The following PRG4 variants were observed in gnomAD, a reference collection of about 807,000 sequenced individuals.
PRG4 encodes the protein articular superficial zone protein.
PRG4 carries 61 observed loss-of-function variants against 91.2 expected under a neutral mutation model. The ratio of observed to expected loss-of-function variants is 0.67; its 90% CI spans 0.54 to 0.83. PRG4 has a LOEUF of 0.83. PRG4 is among the 40% of genes least tolerant of loss of function. PRG4 has a pLI of 0.00. For synonymous variants in PRG4, 576 were observed against 614.2 expected, an observed-to-expected ratio of 0.94 and a Z score of 0.92; for missense variants, 1,564 against 1,714.2, an observed-to-expected ratio of 0.91 and a Z score of 1.55.
chr1:186,312,811 G>T lies in PRG4; in HGVS notation c.4034G>T (p.Gly1345Val), dbSNP rs746479632. The T allele has an allele frequency of 1.6e-5, 25 of 1,612,198 alleles. No homozygotes were observed. In the Admixed American group the frequency reaches 4.0e-4, roughly 26 times the overall value. Reference protein sequence around the residue: ...NEVKVSILWRGLPNVVTSAIS... With the variant: ...NEVKVSILWRVLPNVVTSAIS... ...GTTAAAGTGAGTATACTGTGGAGAG[G>T]ACTTCCAAATGTGGTTACCTCAGCT... The change falls in exon 12 of 13, where the codon GGA becomes GTA. Residue 1345 changes from glycine (G) to valine (V), a missense_variant. Around this residue, in one of 3 missense-constraint regions of PRG4, gnomAD observed 1,079 missense variants for 1,162.2 expected, o/e 0.93. Coordinates refer to ENST00000445192, the MANE Select transcript of PRG4 (RefSeq NM_005807.6).
Position 186,307,160 on chromosome 1 carries a change from G to C in PRG4, c.1441G>C (p.Glu481Gln). The C allele has an allele frequency of 4.7e-6, 6 of 1,285,562 alleles. No homozygotes were observed. Among genetic ancestry groups the C allele is most frequent in the Non-Finnish European group, 6.3e-6 (6 of 949,634 alleles). 79.6% of individuals were successfully genotyped at this position (1,285,562 alleles called of 1,614,324 possible). A position where few individuals can be genotyped will look rare whatever the true frequency, so the allele number is the denominator to read the frequency against. Residue 481 changes from glutamate (E) to glutamine (Q), a missense_variant, in exon 7 of 13, where the codon GAG (glutamate) becomes CAG (glutamine). Physicochemically the swap from Glu to Gln is conservative, Grantham distance 29 (BLOSUM62 2). Transcript: ENST00000445192. ...TKEPAPTTPKEPAPTAPKKPA... is the reference protein window; with the variant it reads ...TKEPAPTTPKQPAPTAPKKPA... ...GGAGCCTGCACCCACCACTCCCAAA[G>C]AGCCTGCACCCACTGCCCCCAAGAA...
intron 4 of PRG4, among the ~76,000 whole-genome samples, chr1:186,303,455 T>TAAAA (rs11351654): frequency 6.0e-5 from 8 of 132,536 alleles, no homozygotes; most frequent in African/African-American, 1.2e-4. Context: ...TTCTTGTTCC[T>TAAAA]AAAAAAAAAA....
chr1:186,304,037 G>A, intron 4 of PRG4, 71 bp from the exon 5 acceptor site: 4 of 1,537,230 alleles, frequency 2.6e-6, no homozygotes, highest in Non-Finnish European at 3.6e-6. Context: ...AGATGCATCT[G>A]TGCTTTTCAC....
Position 186,312,168 on chromosome 1 carries a change from A to C in PRG4, c.3794-7A>C, listed in dbSNP as rs769660657. The C allele has an allele frequency of 6.2e-7, 1 of 1,612,964 alleles. No homozygotes were observed. The highest frequency in any genetic ancestry group is 1.7e-5 in the Admixed American group (1 of 60,018). On this transcript the variant is annotated splice_region_variant and splice_polypyrimidine_tract_variant and intron_variant, in intron 10 of 12. Transcript: ENST00000445192. ...CATTTTCCATGTGATATTCTAATAC[A>C]TAACAGGTGGCAGCATTCAGCAGTA... is the stretch of plus-strand genomic sequence containing the variant.
chr1:186,296,789 C>A, intron 1 of PRG4, 57 bp from the exon 2 acceptor site: 2 of 897,402 alleles, frequency 2.2e-6, no homozygotes, highest in Non-Finnish European at 3.7e-6. Flanking sequence ...ATAATGCAAG[C>A]CTAAGTTAGT....
At position 186,308,973 on chromosome 1, in the gene PRG4, C is replaced by T. The variant is rs140001063; in HGVS notation, c.3254C>T (p.Ser1085Phe). 1.2e-6 allele frequency: 2 copies of T among 1,608,614 alleles called. No individual in the cohort carries two copies. Among genetic ancestry groups the T allele is most frequent in the African/African-American group, 2.7e-5 (2 of 74,490 alleles). ...TTTRPNQTPN[S>F]KLVEVNPKSE... Reference sequence around the variant, plus strand: ...ACCAGACCTAACCAAACTCCAAACTCCAAACTAGTTGAAGTAAATCCAAAG... The same window carrying T: ...ACCAGACCTAACCAAACTCCAAACTTCAAACTAGTTGAAGTAAATCCAAAG... The change falls in exon 7 of 13, where the codon TCC becomes TTC. Residue 1085 changes from serine to phenylalanine, a missense_variant. Transcript: ENST00000445192.
Position 186,304,823 on chromosome 1 carries a change from T to C in PRG4, c.499T>C (p.Ser167Pro). Residue 167 changes from serine (S) to proline (P), a missense_variant, in exon 6 of 13, where the codon TCC (serine) becomes CCC (proline). Coordinates refer to ENST00000445192, the MANE Select transcript of PRG4 (RefSeq NM_005807.6). ...EHSVSENQES[S>P]SSSSSSSSSS... The stretch of plus-strand genomic sequence containing the variant: ...TTCTGTTTCTGAAAATCAAGAGTCC[T>C]CCTCCTCCTCCTCCTCTTCCTCTTC... The C allele has an allele frequency of 6.2e-7, 1 of 1,611,502 alleles. No individual in the cohort carries two copies. The highest frequency in any genetic ancestry group is 8.5e-7 in the Non-Finnish European group (1 of 1,178,264).
In PRG4 at chr1:186,313,899, T is replaced by G; in HGVS notation, c.*121T>G. On this transcript the variant is annotated 3_prime_UTR_variant, in exon 13 of 13. Coordinates refer to ENST00000445192, the MANE Select transcript of PRG4 (RefSeq NM_005807.6). ...TACCAGTTTATATATAAAAATGTTT[T>G]TAAACTTGACAATCATTACACTAAA... 1.3e-6 allele frequency: 2 copies of G among 1,554,762 alleles called. No homozygotes were observed. Among genetic ancestry groups the G allele is most frequent in the Non-Finnish European group, 1.8e-6 (2 of 1,128,232 alleles).
rs1403474030 is a variant in PRG4, at chr1:186,296,837, T to A, written c.-30-9T>A. 2.0e-6 allele frequency: 3 copies of A among 1,508,382 alleles called. No individual in the cohort carries two copies. The highest frequency in any genetic ancestry group is 2.8e-5 in the African/African-American group (2 of 72,562). 93.4% of individuals were successfully genotyped at this position (1,508,382 alleles called of 1,614,324 possible). On this transcript the variant is annotated splice_polypyrimidine_tract_variant and intron_variant, in intron 1 of 12. Transcript: ENST00000445192. ...GAGCTGTTTTCTGATACTTTTATTT[T>A]ATTTTCAGCAAGGGTACCTACGGTA... is the stretch of plus-strand genomic sequence containing the variant.
In PRG4 at chr1:186,309,875, G is replaced by A; in HGVS notation, c.3499+5G>A. On this transcript the variant is annotated splice_donor_5th_base_variant and intron_variant, in intron 8 of 12. Transcript: ENST00000445192. ...GGACATTAGTTGCATTCCGAGGTGA[G>A]CTATGTACACATTTATTTTTCTTCT... 6.2e-7 allele frequency: 1 copy of A among 1,609,780 alleles called. No homozygotes were observed. The highest frequency in any genetic ancestry group is 8.5e-7 in the Non-Finnish European group (1 of 1,176,172).
At chr1:186,311,972 C>T in intron 10 of PRG4, 1 of 569,850 alleles carries the variant, frequency 1.8e-6, no homozygotes, top group Admixed American at 3.1e-5. Context: ...ATGTAATTTG[C>T]TGCATCTATT....
chr1:186,313,473 G>A, intron 12 of PRG4: 2 of 516,668 alleles, frequency 3.9e-6, no homozygotes, highest in East Asian at 3.2e-5. Context: ...ACAAAAAGAT[G>A]GTGAAATGTC....
At chr1:186,298,491 CT>C (rs552065983) in intron 2 of PRG4, among the ~76,000 whole-genome samples, 10,447 of 146,530 alleles carry the variant, frequency 0.071, 1,135 homozygotes, top group African/African-American at 0.24. Context: ...ATGATTTCCT[CT>C]TTTTTTTTTT....
At position 186,311,731 on chromosome 1, in the gene PRG4, A is replaced by AT. The variant is rs911743543; in HGVS notation, c.3793+137dup. On this transcript the variant is annotated intron_variant, in intron 10 of 12. Coordinates refer to ENST00000445192, the MANE Select transcript of PRG4 (RefSeq NM_005807.6). ...AATATTTTCAGTGAAAAAAATCAAT[A>AT]TTGAGGGTAGTATTCTTATTGCCCT... 5.2e-6 allele frequency: 5 copies of AT among 957,552 alleles called. No individual in the cohort carries two copies. The African/African-American group carries it at 8.3e-5, about 16-fold the overall frequency. 59.3% of individuals were successfully genotyped at this position (957,552 alleles called of 1,614,324 possible).
In PRG4 at chr1:186,306,914, A is replaced by C. The variant is rs1656633624; in HGVS notation, c.1195A>C (p.Thr399Pro). ...APTTPKEPAP[T>P]TTKEPAPTTP... The stretch of plus-strand genomic sequence containing the variant: ...CACCACTCCCAAGGAGCCTGCACCC[A>C]CCACCACCAAGGAGCCTGCACCCAC... Residue 399 changes from threonine to proline, a missense_variant, in exon 7 of 13, where the codon ACC becomes CCC. Physicochemically the swap from Thr to Pro is conservative, Grantham distance 38. Coordinates refer to ENST00000445192, the MANE Select transcript of PRG4 (RefSeq NM_005807.6). 1 of 1,593,052 alleles carries C rather than the reference A, an allele frequency of 6.3e-7. No individual in the cohort carries two copies. The highest frequency in any genetic ancestry group is 8.5e-7 in the Non-Finnish European group (1 of 1,173,772).
chr1:186,306,873 C>T lies in PRG4; in HGVS notation c.1154C>T (p.Thr385Ile), dbSNP rs557252400. Residue 385 changes from threonine to isoleucine, a missense_variant, in exon 7 of 13, where the codon ACC becomes ATC. Physicochemically the swap from Thr to Ile is moderately conservative, Grantham distance 89. Around this residue, in one of 3 missense-constraint regions of PRG4, gnomAD observed 437 missense variants for 459.0 expected, o/e 0.95. Coordinates refer to ENST00000445192, the MANE Select transcript of PRG4 (RefSeq NM_005807.6). The part of the protein sequence containing the change: ...PTTPKEPAPT[T>I]TKSAPTTPKE... ...ACCCCCAAGGAGCCTGCACCCACCACCACCAAGTCTGCACCCACCACTCCC... is the reference window on the plus strand; with the variant it reads ...ACCCCCAAGGAGCCTGCACCCACCATCACCAAGTCTGCACCCACCACTCCC... The T allele has an allele frequency of 6.2e-7, 1 of 1,611,692 alleles. No individual in the cohort carries two copies. The highest frequency in any genetic ancestry group is 8.5e-7 in the Non-Finnish European group (1 of 1,179,152).
chr1:186,309,099 G>C lies in PRG4; in HGVS notation c.3380G>C (p.Arg1127Thr), dbSNP rs757240042. The C allele has an allele frequency of 6.2e-7, 1 of 1,613,948 alleles. No homozygotes were observed. Among genetic ancestry groups the C allele is most frequent in the Admixed American group, 1.7e-5 (1 of 60,020 alleles). Residue 1127 changes from arginine to threonine, a missense_variant, in exon 7 of 13, where the codon AGA becomes ACA. By Grantham distance (71) the Arg-to-Thr change is moderately conservative. This residue lies in a region of PRG4 where 1,079 missense variants were observed against 1,162.2 expected (regional missense o/e 0.93). Coordinates refer to ENST00000445192, the MANE Select transcript of PRG4 (RefSeq NM_005807.6). ...EVTPDMDYLP[R>T]VPNQGIIINP... is the part of the protein sequence containing the mutation. ...ACTCCCGACATGGATTACTTACCGA[G>C]AGTACCCAATCAAGGCATTATCATC...
In PRG4 at chr1:186,312,334, T is replaced by C; in HGVS notation, c.3953T>C (p.Ile1318Thr). ...CCTTCTCAAACACACACCATCAGAATTCAATATTCACCTGCCAGACTGGCT... is the reference window on the plus strand; with the variant it reads ...CCTTCTCAAACACACACCATCAGAACTCAATATTCACCTGCCAGACTGGCT... ...IGPSQTHTIR[I>T]QYSPARLAYQ... Residue 1318 changes from isoleucine (I) to threonine (T), a missense_variant, in exon 11 of 13, where the codon ATT becomes ACT. Physicochemically the swap from Ile to Thr is moderately conservative, Grantham distance 89. Around this residue, in one of 3 missense-constraint regions of PRG4, gnomAD observed 1,079 missense variants for 1,162.2 expected, o/e 0.93. Transcript: ENST00000445192. 1 of 1,609,702 alleles carries C rather than the reference T, an allele frequency of 6.2e-7. No individual in the cohort carries two copies. Among genetic ancestry groups the C allele is most frequent in the Non-Finnish European group, 8.5e-7 (1 of 1,178,532 alleles).
Position 186,304,247 on chromosome 1 carries a change from A to C in PRG4, c.459A>C (p.Glu153Asp). 1.9e-6 allele frequency: 3 copies of C among 1,613,238 alleles called. No individual in the cohort carries two copies. The highest frequency in any genetic ancestry group is 2.5e-6 in the Non-Finnish European group (3 of 1,179,206). The change falls in exon 5 of 13, where the codon GAA (glutamate) becomes GAC (aspartate). Residue 153 changes from glutamate (E) to aspartate (D), a missense_variant. By Grantham distance (45) the Glu-to-Asp change is conservative. Transcript: ENST00000445192. The part of the protein sequence containing the change: ...KKTKKVIESE[E>D]ITEEHSVSEN... ...CTAAGAAAGTTATAGAATCAGAGGAAATAACAGAAGGTAGGAAGATGACAG... is the reference window on the plus strand; with the variant it reads ...CTAAGAAAGTTATAGAATCAGAGGACATAACAGAAGGTAGGAAGATGACAG...
Sources: gnomAD v4.1 joint callset for allele counts (sites outside exome capture counted in the v4.1 genomes callset) on GRCh38, gnomAD v4.1.1 for gene constraint, gnomAD v4.1.1 regional missense constraint, MANE v1.5 for transcripts, NCBI Gene and HGNC (gene_info 2026-07-23, HGNC 2026-07-21) for gene names.